CENPU: variants seen among roughly 807,000 people sequenced by gnomAD.
The protein encoded by CENPU is centromere protein U.
CENPU carries 46 observed loss-of-function variants against 56.7 expected under a neutral mutation model. The observed-to-expected ratio is 0.81, with a 90% CI of 0.64 to 1.04. The LOEUF (loss-of-function observed/expected upper bound fraction) is 1.04, where lower values mean the gene tolerates loss of function less well. Among genes scored for constraint, CENPU ranks in the 50% least tolerant of loss-of-function variants. CENPU has a pLI of 0.00. For synonymous variants in CENPU, 166 were observed against 163.0 expected, an observed-to-expected ratio of 1.02 and a Z score of -0.14; for missense variants, 510 against 490.1, an observed-to-expected ratio of 1.04 and a Z score of -0.38.
chr4:184,701,702 T>A (rs1374223610), intron 10 of CENPU, among the ~76,000 whole-genome samples: 1 of 152,214 alleles, frequency 6.6e-6, no homozygotes, highest in Non-Finnish European at 1.5e-5. Context: ...CAGTTCTTTA[T>A]TCTAAAAGGT....
Position 184,715,847 on chromosome 4 carries a change from C to T in CENPU, c.618+550G>A, listed in dbSNP as rs572680856. On this transcript the variant is annotated intron_variant, in intron 6 of 12. Transcript: ENST00000281453. ...ATTAAAGCTCACTGAAAGGACTGAA[C>T]AGCATAGACCAAAAAACATGGTGGT... Among the ~76,000 whole-genome samples the T allele has an allele frequency of 1.1e-4, 16 of 151,836 alleles. No individual in the cohort carries two copies. The South Asian group carries it at 3.3e-3, about 32-fold the overall frequency.
At chr4:184,699,667 T>C in intron 11 of CENPU, 9 of 1,215,838 alleles carry the variant, frequency 7.4e-6, no homozygotes, top group South Asian at 5.3e-5. Context: ...TGGCAGTCTC[T>C]CTTTTTTTTT....
chr4:184,725,445 A>G (rs996356111), intron 3 of CENPU, among the ~76,000 whole-genome samples: 6 of 152,238 alleles, frequency 3.9e-5, no homozygotes, highest in Non-Finnish European at 7.3e-5. Context: ...AGCTGGGACT[A>G]CAGGCACATG....
intron 8 of CENPU, among the ~76,000 whole-genome samples, chr4:184,709,162 G>A (rs190254098): frequency 1.6e-4 from 24 of 152,092 alleles, no homozygotes; most frequent in Admixed American, 8.5e-4. Flanking sequence ...ATTTAAGGTC[G>A]CAAAAAGGTT....
intron 1 of CENPU, among the ~76,000 whole-genome samples, chr4:184,731,271 C>G (rs191880761): frequency 6.6e-6 from 1 of 152,156 alleles, no homozygotes; most frequent in Non-Finnish European, 1.5e-5. Flanking sequence ...CGCTAAGCCC[C>G]GACACCTGCT....
rs767573061 is a variant in CENPU, at chr4:184,728,885, A to T, written c.214+33T>A. 9.4e-6 allele frequency: 14 copies of T among 1,484,158 alleles called. No individual in the cohort carries two copies. In the Admixed American group the frequency reaches 2.5e-4, roughly 26 times the overall value. 91.9% of individuals were successfully genotyped at this position (1,484,158 alleles called of 1,614,324 possible). On this transcript the variant is annotated intron_variant, in intron 3 of 12. Transcript: ENST00000281453. ...TCTGGCCTAAATGTTGTTGCTTTAG[A>T]GTTATGTTAGGATAAAGATTTAAAG...
chr4:184,721,027 A>C (rs574454207), intron 4 of CENPU, among the ~76,000 whole-genome samples: 1 of 152,382 alleles, frequency 6.6e-6, no homozygotes, highest in South Asian at 2.1e-4. Context: ...AAGTAGAAAG[A>C]CTAAAAGATG....
At chr4:184,712,534 G>GA (rs1326111626) in intron 7 of CENPU, among the ~76,000 whole-genome samples, 1 of 152,122 alleles carries the variant, frequency 6.6e-6, no homozygotes, top group Non-Finnish European at 1.5e-5. Context: ...TACATTCAAA[G>GA]AAAAAACTGT....
At chr4:184,702,593 A>C (rs2150203816) in intron 8 of CENPU, 152 bp from the exon 9 acceptor site, 1 of 528,214 alleles carries the variant, frequency 1.9e-6, no homozygotes, top group Non-Finnish European at 3.2e-6. Flanking sequence ...TAATAATCTC[A>C]ATGTTTTAGA....
chr4:184,732,516 G>A (rs1415941828), intron 1 of CENPU, among the ~76,000 whole-genome samples: 1 of 152,142 alleles, frequency 6.6e-6, no homozygotes, highest in African/African-American at 2.4e-5. Flanking sequence ...GAAAATTTAA[G>A]TGACTTATCA....
chr4:184,713,030 C>G lies in CENPU; in HGVS notation c.619-17G>C. On this transcript the variant is annotated splice_polypyrimidine_tract_variant and intron_variant, in intron 6 of 12. Coordinates refer to ENST00000281453, the MANE Select transcript of CENPU (RefSeq NM_024629.4). ...CTGAGTTTTCTACAAAAAAAAAAAG[C>G]ATTAAGTTTTTAAGAAAAGTTTTCT... is the stretch of plus-strand genomic sequence containing the variant. The G allele has an allele frequency of 7.1e-7, 1 of 1,417,400 alleles. No homozygotes were observed. The highest frequency in any genetic ancestry group is 2.3e-5 in the East Asian group (1 of 43,830). 87.8% of individuals were successfully genotyped at this position (1,417,400 alleles called of 1,614,324 possible).
rs1358805705 is a variant in CENPU at position 184,694,638 on chromosome 4, T to C, written c.*650A>G. ...GTGCATCTGCTGATGCTGTCTGGGATAATGGCATTGATGATGCTTATTTTT... is the reference window on the plus strand; with the variant it reads ...GTGCATCTGCTGATGCTGTCTGGGACAATGGCATTGATGATGCTTATTTTT... On this transcript the variant is annotated 3_prime_UTR_variant, in exon 13 of 13. Coordinates refer to ENST00000281453, the MANE Select transcript of CENPU (RefSeq NM_024629.4). 6.2e-7 allele frequency: 1 copy of C among 1,614,210 alleles called. No homozygotes were observed. The highest frequency in any genetic ancestry group is 8.5e-7 in the Non-Finnish European group (1 of 1,180,022).
In CENPU at chr4:184,694,154, C is replaced by T; in HGVS notation, c.*1134G>A. ...TTGCTAAATACTTTAAAATTTAAAG[C>T]ATGGGTACTAAGTCCATTGTCAAGA... On this transcript the variant is annotated 3_prime_UTR_variant, in exon 13 of 13. Coordinates refer to ENST00000281453, the MANE Select transcript of CENPU (RefSeq NM_024629.4). 1 of 890,018 alleles carries T rather than the reference C, an allele frequency of 1.1e-6. No individual in the cohort carries two copies. 55.1% of individuals were successfully genotyped at this position (890,018 alleles called of 1,614,324 possible). A position where few individuals can be genotyped will look rare whatever the true frequency, so the allele number is the denominator to read the frequency against.
chr4:184,725,207 T>C (rs975427049), intron 3 of CENPU, 145 bp from the exon 4 acceptor site: 81 of 494,074 alleles, frequency 1.6e-4, no homozygotes, highest in Admixed American at 2.6e-4. Flanking sequence ...TTCCCAAATG[T>C]TTTTGATCTC....
At chr4:184,700,173 C>T (rs1760484949) in intron 11 of CENPU, among the ~76,000 whole-genome samples, 1 of 152,116 alleles carries the variant, frequency 6.6e-6, no homozygotes, top group South Asian at 2.1e-4. Context: ...CTGATGTGCA[C>T]TCCAGTCTTC....
At chr4:184,705,333 T>C (rs1198784200) in intron 8 of CENPU, among the ~76,000 whole-genome samples, 1 of 152,190 alleles carries the variant, frequency 6.6e-6, no homozygotes, top group Non-Finnish European at 1.5e-5. Flanking sequence ...TTGCACACGA[T>C]ACAGTTTCAT....
chr4:184,730,875 G>A (rs1353863091), intron 2 of CENPU, 45 bp downstream of exon 2: 9 of 1,487,480 alleles, frequency 6.1e-6, no homozygotes, highest in Non-Finnish European at 7.3e-6. Flanking sequence ...ATGTTATTTT[G>A]TACTGTCAAT....
At chr4:184,699,666 CTCT>C in intron 11 of CENPU, 1 of 1,227,114 alleles carries the variant, frequency 8.1e-7, no homozygotes, top group African/African-American at 1.7e-5. Context: ...GTGGCAGTCT[CTCT>C]TTTTTTTTTG....
chr4:184,717,714 A>C (rs145655562), intron 4 of CENPU, among the ~76,000 whole-genome samples: 2 of 152,330 alleles, frequency 1.3e-5, no homozygotes, highest in East Asian at 3.9e-4. Flanking sequence ...TTTCCTTCAA[A>C]GGGTTCACTG....
Sources: gnomAD v4.1 joint callset for allele counts (sites outside exome capture counted in the v4.1 genomes callset) on GRCh38, gnomAD v4.1.1 for gene constraint, MANE v1.5 for transcripts, NCBI Gene and HGNC (gene_info 2026-07-23, HGNC 2026-07-21) for gene names.